Variants in EXOC4 observed in about 807,000 individuals in gnomAD.
EXOC4 encodes the protein SEC8-like 1.
In EXOC4, 71 loss-of-function variants were observed where a neutral mutation model predicts 107.2. The ratio of observed to expected loss-of-function variants is 0.66; its 90% CI spans 0.55 to 0.81. EXOC4 has a LOEUF of 0.81. Ranked by LOEUF, EXOC4 falls within the 30% of genes least tolerant of loss-of-function variation. The pLI, the probability that EXOC4 is intolerant of heterozygous loss-of-function variation, is 0.00. For synonymous variants in EXOC4, 456 were observed against 441.2 expected, an observed-to-expected ratio of 1.03 and a Z score of -0.42; for missense variants, 1,108 against 1,189.6, an observed-to-expected ratio of 0.93 and a Z score of 1.01.
chr7:134,076,283 C>G, the EXOC4 span, among the ~76,000 whole-genome samples: 1 of 151,962 alleles, frequency 6.6e-6, no homozygotes, highest in Admixed American at 6.6e-5. Flanking sequence ...TTTGGGAGGC[C>G]GAGGCAGGTG....
intron 14 of EXOC4, 68 bp from the exon 15 acceptor site, chr7:133,997,424 A>T: frequency 6.4e-7 from 1 of 1,574,744 alleles, no homozygotes; most frequent in Non-Finnish European, 8.7e-7. Flanking sequence ...ACAGCAAAAT[A>T]ATATGTCATT....
chr7:133,324,841 G>A (rs1272038981), intron 5 of EXOC4, among the ~76,000 whole-genome samples: 2 of 152,190 alleles, frequency 1.3e-5, no homozygotes, highest in Non-Finnish European at 2.9e-5. Flanking sequence ...TTGTGTGGGA[G>A]TCTAAGCCTC....
intron 9 of EXOC4, among the ~76,000 whole-genome samples, chr7:133,627,855 A>G (rs1294322582): frequency 6.6e-6 from 1 of 152,164 alleles, no homozygotes; most frequent in East Asian, 1.9e-4. Context: ...TTCTTAAGAA[A>G]ACGTATGCTC....
intron 5 of EXOC4, among the ~76,000 whole-genome samples, chr7:133,333,434 G>GT (rs758124258): frequency 2.6e-5 from 4 of 151,688 alleles, no homozygotes; most frequent in Admixed American, 6.6e-5. Flanking sequence ...AAGGAGATCT[G>GT]GTTTTTTTTT....
intron 9 of EXOC4, among the ~76,000 whole-genome samples, chr7:133,563,618 T>C (rs1029805510): frequency 6.6e-6 from 1 of 152,204 alleles, no homozygotes; most frequent in African/African-American, 2.4e-5. Flanking sequence ...AGCCTAGTTA[T>C]GTGTAGCTCG....
chr7:133,807,658 A>C (rs1388902227), intron 10 of EXOC4, among the ~76,000 whole-genome samples: 1 of 152,218 alleles, frequency 6.6e-6, no homozygotes, highest in Non-Finnish European at 1.5e-5. Flanking sequence ...TAAAACCAGA[A>C]TTCCAGACCT....
At chr7:133,996,037 A>G (rs757711042) in intron 14 of EXOC4, among the ~76,000 whole-genome samples, 18 of 152,218 alleles carry the variant, frequency 1.2e-4, no homozygotes, top group Admixed American at 3.3e-4. Flanking sequence ...AGCAAAACAT[A>G]TCAGAAATTG....
At chr7:133,458,315 G>T (rs956459763) in intron 7 of EXOC4, among the ~76,000 whole-genome samples, 22 of 152,188 alleles carry the variant, frequency 1.4e-4, no homozygotes, top group African/African-American at 5.3e-4. Flanking sequence ...CGCAAATTTT[G>T]TGAAGTGCAC....
chr7:133,635,527 A>G (rs1365106877), intron 10 of EXOC4, among the ~76,000 whole-genome samples: 1 of 152,216 alleles, frequency 6.6e-6, no homozygotes. Context: ...CAGAAGTATC[A>G]TTCAGAAAAT....
Position 133,883,784 on chromosome 7 carries a change from G to A in EXOC4, c.1735-11815G>A, listed in dbSNP as rs191331107. Among the ~76,000 whole-genome samples, 16 of 152,306 alleles carry A rather than the reference G, an allele frequency of 1.1e-4. No individual in the cohort carries two copies. In the East Asian group the frequency reaches 2.9e-3, roughly 28 times the overall value. Reference sequence around the variant, plus strand: ...TGCGTTCAGGGTGGAGGCTGATTTGGAAGAGAGCAGAGGTGGCAGTTCCTC... The same window carrying A: ...TGCGTTCAGGGTGGAGGCTGATTTGAAAGAGAGCAGAGGTGGCAGTTCCTC... On this transcript the variant is annotated intron_variant, in intron 11 of 17. Transcript: ENST00000253861.
chr7:133,473,982 A>G (rs1798947721), intron 7 of EXOC4, among the ~76,000 whole-genome samples: 1 of 152,140 alleles, frequency 6.6e-6, no homozygotes, highest in African/African-American at 2.4e-5. Context: ...TGCTGGGATT[A>G]CAGGTGTGAG....
In EXOC4 at chr7:133,395,453, A is replaced by G. The variant is rs188764771; in HGVS notation, c.1182+20451A>G. 1.7e-4 allele frequency among the ~76,000 whole-genome samples: 26 copies of G among 152,172 alleles called. No homozygotes were observed. The East Asian group carries it at 4.6e-3, about 27-fold the overall frequency. On this transcript the variant is annotated intron_variant, in intron 7 of 17. Transcript: ENST00000253861. ...GGGAAAATTCTTGTATTTTATATCTATTATGCTCTTGATTTTATATCTACT... is the reference window on the plus strand; with the variant it reads ...GGGAAAATTCTTGTATTTTATATCTGTTATGCTCTTGATTTTATATCTACT...
intron 10 of EXOC4, among the ~76,000 whole-genome samples, chr7:133,729,169 G>A (rs1010756312): frequency 6.6e-6 from 1 of 152,220 alleles, no homozygotes; most frequent in Admixed American, 6.5e-5. Flanking sequence ...TTAGTTTCAA[G>A]AAGACCTAAA....
At chr7:133,773,492 T>G (rs1044658582) in intron 10 of EXOC4, among the ~76,000 whole-genome samples, 1 of 151,350 alleles carries the variant, frequency 6.6e-6, no homozygotes, top group African/African-American at 2.4e-5. Flanking sequence ...ATTATTATTA[T>G]TTTTCTTTTT....
chr7:134,029,170 G>A (rs966406178), intron 17 of EXOC4, among the ~76,000 whole-genome samples: 2 of 152,328 alleles, frequency 1.3e-5, no homozygotes, highest in Middle Eastern at 3.4e-3. Context: ...TGTCTTCATT[G>A]TCTGTTTACA....
At position 133,692,436 on chromosome 7, in the gene EXOC4, A is replaced by G. The variant is rs183511378; in HGVS notation, c.1514+62295A>G. On this transcript the variant is annotated intron_variant, in intron 10 of 17. Transcript: ENST00000253861. ...ACTGAGCTCAGATCAATGGTGTACA[A>G]CTCTTTAACACCACCTCCTGCCCTG... Among the ~76,000 whole-genome samples, 293 of 152,128 alleles carry G rather than the reference A, an allele frequency of 1.9e-3. 3 individuals carry two copies. The highest frequency in any genetic ancestry group is 6.5e-3 in the African/African-American group (270 of 41,506).
intron 10 of EXOC4, among the ~76,000 whole-genome samples, chr7:133,812,919 A>G (rs368375068): frequency 3.3e-5 from 5 of 151,876 alleles, no homozygotes; most frequent in African/African-American, 1.2e-4. Flanking sequence ...CCCCCGTTCT[A>G]TCCATTTTTC....
At chr7:133,820,153 C>CTTTTTT (rs1797478909) in intron 11 of EXOC4, among the ~76,000 whole-genome samples, 2 of 82,516 alleles carry the variant, frequency 2.4e-5, no homozygotes, top group Non-Finnish European at 5.0e-5. Flanking sequence ...ACACCTGCTT[C>CTTTTTT]ATTTTTTTTT....
At chr7:133,670,028 C>T (rs6467500) in intron 10 of EXOC4, among the ~76,000 whole-genome samples, 150,431 of 152,310 alleles carry the variant, frequency 0.99, 74,320 homozygotes, top group Middle Eastern at 1. Flanking sequence ...AGGTTAGTTC[C>T]TTCAACTTTT....
Sources: gnomAD v4.1 joint callset for allele counts (sites outside exome capture counted in the v4.1 genomes callset) on GRCh38, gnomAD v4.1.1 for gene constraint, MANE v1.5 for transcripts, NCBI Gene and HGNC (gene_info 2026-07-23, HGNC 2026-07-21) for gene names.